The following CBLB variants were observed in gnomAD, a reference collection of about 807,000 sequenced individuals.
CBLB encodes Cbl proto-oncogene B, also known as E3 ubiquitin-protein ligase CBL-B.
CBLB carries 31 observed loss-of-function variants against 104.9 expected under a neutral mutation model. The ratio of observed to expected loss-of-function variants is 0.30; its 90% CI spans 0.22 to 0.40. The LOEUF (loss-of-function observed/expected upper bound fraction) is 0.40, where lower values mean the gene tolerates loss of function less well. CBLB is among the 10% of genes least tolerant of loss of function. The pLI is 1.00. For missense variants in CBLB, 1,062 were observed against 1,214.6 expected (o/e 0.87, Z 1.87); for synonymous variants, 440 against 422.6 (o/e 1.04, Z -0.51).
rs574924044 is a variant in CBLB at position 105,702,874 on chromosome 3, A to G, written c.1594-415T>C. ...TTTAAAGAGTAACTTGATTTGTAAT[A>G]TTTGTAATATTTTTAGAAGATTAAA... On this transcript the variant is annotated intron_variant, in intron 11 of 18. Coordinates refer to ENST00000394030, the MANE Select transcript of CBLB (RefSeq NM_170662.5). Among the ~76,000 whole-genome samples, 3 of 152,162 alleles carry G rather than the reference A, an allele frequency of 2.0e-5. 1 individual carries two copies.
At chr3:105,768,421 TAAGTA>T (rs2152947719) in intron 4 of CBLB, among the ~76,000 whole-genome samples, 1 of 152,178 alleles carries the variant, frequency 6.6e-6, no homozygotes, top group Admixed American at 6.5e-5. Context: ...GAACAGAACA[TAAGTA>T]AAGGAAGAGA....
chr3:105,681,610 C>G lies in CBLB; in HGVS notation c.2297G>C (p.Gly766Ala). 1 of 1,614,060 alleles carries G rather than the reference C, an allele frequency of 6.2e-7. No individual in the cohort carries two copies. ...NIPDLSIYLK[G>A]DVFDSASDPV... ...ATCAGAGGCTGAATCAAAAACATCT[C>G]CTAGAGGATAACACAAAACCTTAAT... Residue 766 changes from glycine (G) to alanine (A), a missense_variant and splice_region_variant, in exon 16 of 19, where the codon GGA (glycine) becomes GCA (alanine). Gly to Ala is a moderately conservative substitution (Grantham distance 60). Transcript: ENST00000394030.
At chr3:105,802,634 CTA>C (rs1204090345) in intron 3 of CBLB, among the ~76,000 whole-genome samples, 1 of 152,158 alleles carries the variant, frequency 6.6e-6, no homozygotes, top group African/African-American at 2.4e-5. Flanking sequence ...TTACTTGCCC[CTA>C]TGTTTTGGGA....
intron 8 of CBLB, among the ~76,000 whole-genome samples, chr3:105,735,027 G>A (rs889291017): frequency 2.0e-5 from 3 of 152,070 alleles, no homozygotes; most frequent in Non-Finnish European, 4.4e-5. Context: ...ACAAAGAAAA[G>A]GAATTATGAA....
intron 3 of CBLB, among the ~76,000 whole-genome samples, chr3:105,796,135 G>C (rs1281351029): frequency 1.3e-5 from 2 of 152,080 alleles, no homozygotes; most frequent in Non-Finnish European, 2.9e-5. Flanking sequence ...CAAGTAGCCA[G>C]AGCAATCCTA....
At chr3:105,660,845 G>A (rs1475141882) in intron 18 of CBLB, among the ~76,000 whole-genome samples, 2 of 140,442 alleles carry the variant, frequency 1.4e-5, no homozygotes, top group African/African-American at 5.2e-5. Flanking sequence ...ATTTTTCCAG[G>A]AGAAGGTAAC....
At chr3:105,706,142 T>TA (rs911061059) in intron 10 of CBLB, among the ~76,000 whole-genome samples, 1 of 151,824 alleles carries the variant, frequency 6.6e-6, no homozygotes, top group Non-Finnish European at 1.5e-5. Flanking sequence ...ACCCTGTCTC[T>TA]AAAAAAATAA....
intron 1 of CBLB, chr3:105,868,460 G>C (rs565630815): frequency 2.3e-4 from 82 of 360,078 alleles, no homozygotes; most frequent in African/African-American, 1.3e-3. Flanking sequence ...CGTCCGTCTA[G>C]GGCGCGGGAG....
chr3:105,770,297 T>G (rs1262634903), intron 4 of CBLB, among the ~76,000 whole-genome samples: 1 of 151,974 alleles, frequency 6.6e-6, no homozygotes, highest in Non-Finnish European at 1.5e-5. Context: ...GTCCTCAGAG[T>G]GCGAGAGGGG....
At chr3:105,734,399 T>C (rs1273809247) in intron 8 of CBLB, among the ~76,000 whole-genome samples, 1 of 152,172 alleles carries the variant, frequency 6.6e-6, no homozygotes, top group African/African-American at 2.4e-5. Context: ...CCTTTACTGT[T>C]CCTTTAGGAA....
At chr3:105,710,017 T>C (rs2070823573) in intron 10 of CBLB, among the ~76,000 whole-genome samples, 3 of 152,000 alleles carry the variant, frequency 2.0e-5, no homozygotes. Context: ...TGGACATGTG[T>C]ACTTCTTCTT....
At position 105,685,500 on chromosome 3, in the gene CBLB, G is replaced by A. The variant is rs2066897358; in HGVS notation, c.2055-34C>T. 3.8e-6 allele frequency: 6 copies of A among 1,583,668 alleles called. No homozygotes were observed. The African/African-American group carries it at 8.1e-5, about 21-fold the overall frequency. On this transcript the variant is annotated intron_variant, in intron 13 of 18. Coordinates refer to ENST00000394030, the MANE Select transcript of CBLB (RefSeq NM_170662.5). Reference sequence around the variant, plus strand: ...GGAAAAAAAATCCAATCTAGTTTAAGCATAATATTCAAAACAGGCAAGTCT... The same window carrying A: ...GGAAAAAAAATCCAATCTAGTTTAAACATAATATTCAAAACAGGCAAGTCT...
At chr3:105,686,047 G>A (rs550137677) in intron 13 of CBLB, among the ~76,000 whole-genome samples, 1 of 152,248 alleles carries the variant, frequency 6.6e-6, no homozygotes, top group East Asian at 1.9e-4. Flanking sequence ...GGAATGATTA[G>A]ATGTAGATAA....
At chr3:105,862,889 C>T (rs1475362525) in intron 2 of CBLB, among the ~76,000 whole-genome samples, 4 of 152,070 alleles carry the variant, frequency 2.6e-5, no homozygotes, top group Non-Finnish European at 4.4e-5. Flanking sequence ...AACTTTTCAC[C>T]CTTAGCAAGC....
At chr3:105,718,228 A>G (rs1363445378) in intron 10 of CBLB, among the ~76,000 whole-genome samples, 2 of 152,232 alleles carry the variant, frequency 1.3e-5, no homozygotes, top group Non-Finnish European at 2.9e-5. Flanking sequence ...TAAAAACTGT[A>G]TCTTTCAGGA....
chr3:105,669,105 C>CAT (rs199683991), intron 18 of CBLB, among the ~76,000 whole-genome samples: 3 of 150,714 alleles, frequency 2.0e-5, no homozygotes, highest in African/African-American at 7.3e-5. Flanking sequence ...TCCATCCATC[C>CAT]CCAACTATCC....
At chr3:105,698,110 TTGTAGATCCACATTTAAAGTAA>T (rs2068619029) in intron 12 of CBLB, among the ~76,000 whole-genome samples, 7 of 152,060 alleles carry the variant, frequency 4.6e-5, no homozygotes, top group Admixed American at 4.6e-4. Context: ...AACTCTTAGC[TTGTAGATCCACATTTAAAGTAA>T]AGTATTACCT....
chr3:105,813,465 T>C (rs888976822), intron 3 of CBLB, among the ~76,000 whole-genome samples: 1 of 152,124 alleles, frequency 6.6e-6, no homozygotes, highest in Non-Finnish European at 1.5e-5. Context: ...AGTAAAGTTA[T>C]TAATAAATCA....
intron 3 of CBLB, among the ~76,000 whole-genome samples, chr3:105,797,629 T>C (rs1036148361): frequency 1.3e-5 from 2 of 152,122 alleles, no homozygotes; most frequent in Non-Finnish European, 2.9e-5. Context: ...GAAAGAAAAA[T>C]CTAACCACCA....
Sources: allele counts gnomAD v4.1 joint callset (sites outside exome capture counted in the v4.1 genomes callset), GRCh38; gene constraint gnomAD v4.1.1; transcripts MANE v1.5; gene names NCBI Gene and HGNC (gene_info 2026-07-23, HGNC 2026-07-21).